CLCN5: variants seen among roughly 807,000 people sequenced by gnomAD.
CLCN5 encodes Cl-/H+ antiporter 5.
Under a neutral mutation model 54.0 loss-of-function variants are expected in CLCN5, and 17 were observed. That is an observed-to-expected ratio of 0.31 (90% CI 0.22 to 0.47). The LOEUF (loss-of-function observed/expected upper bound fraction) is 0.47. Ranked by LOEUF, CLCN5 falls within the 20% of genes least tolerant of loss-of-function variation. The pLI, the probability that CLCN5 is intolerant of heterozygous loss-of-function variation, is 1.00. For missense variants in CLCN5, 448 were observed against 646.7 expected (o/e 0.69, Z 3.33); for synonymous variants, 222 against 233.0 (o/e 0.95, Z 0.43).
At chrX:50,000,659 C>T (rs1232115926) in intron 3 of CLCN5, among the ~76,000 whole-genome samples, 1 of 111,735 alleles carries the variant, frequency 8.9e-6, no homozygotes, top group Non-Finnish European at 1.9e-5. Flanking sequence ...AGAATCCTGG[C>T]GTGATCTGTA....
In CLCN5 at chrX:50,090,350, G is replaced by A. The variant is rs782368260; in HGVS notation, c.1979G>A (p.Arg660Lys). The A allele has an allele frequency of 8.3e-7, 1 of 1,211,613 alleles. No homozygotes were observed. The highest frequency in any genetic ancestry group is 1.1e-6 in the Non-Finnish European group (1 of 895,423). The change falls in exon 13 of 15, where the codon AGA becomes AAA. Residue 660 changes from arginine (R) to lysine (K), a missense_variant. Arg to Lys is a conservative substitution (Grantham distance 26). This residue lies in a region of CLCN5 where 297 missense variants were observed against 470.4 expected (regional missense o/e 0.63). Transcript: ENST00000376091. Reference protein sequence around the residue: ...TLAMDVMKPRRNDPLLTVLTQ... With the variant: ...TLAMDVMKPRKNDPLLTVLTQ... The stretch of plus-strand genomic sequence containing the variant: ...GCAATGGATGTGATGAAACCCCGGA[G>A]AAATGATCCTTTGTTGACTGTCCTT...
At chrX:50,008,995 A>G (rs781797185) in intron 3 of CLCN5, 4 of 382,159 alleles carry the variant, frequency 1.0e-5, no homozygotes, top group East Asian at 1.5e-4. Context: ...TGTGAGTGCT[A>G]TTTCAGTGCA....
At chrX:50,002,518 T>C (rs1187946020) in intron 3 of CLCN5, among the ~76,000 whole-genome samples, 5 of 112,080 alleles carry the variant, frequency 4.5e-5, no homozygotes, top group Middle Eastern at 9.1e-3. Flanking sequence ...TCAAAATACA[T>C]GTCTAATCTG....
intron 4 of CLCN5, 30 bp downstream of exon 4, chrX:50,042,492 T>G (rs2147478033): frequency 1.0e-6 from 1 of 956,020 alleles, no homozygotes; most frequent in African/African-American, 2.0e-5. Context: ...TAATTTATCT[T>G]AATTTTTTAA....
At chrX:50,037,634 AG>A (rs1248258249) in intron 3 of CLCN5, among the ~76,000 whole-genome samples, 1 of 111,825 alleles carries the variant, frequency 8.9e-6, no homozygotes, top group African/African-American at 3.3e-5. Flanking sequence ...AGGAAAAGAT[AG>A]GAGACTGGTT....
At chrX:49,990,659 A>G (rs1431789032) in intron 3 of CLCN5, among the ~76,000 whole-genome samples, 1 of 111,823 alleles carries the variant, frequency 8.9e-6, no homozygotes, top group Non-Finnish European at 1.9e-5. Flanking sequence ...GCTGGTCTCA[A>G]ACTCCTTACC....
At chrX:50,051,556 T>A (rs1932587741) in intron 4 of CLCN5, among the ~76,000 whole-genome samples, 1 of 112,192 alleles carries the variant, frequency 8.9e-6, no homozygotes, top group South Asian at 3.7e-4. Context: ...GCAAAATGAC[T>A]TGCTTGGGTT....
At chrX:49,945,763 AT>A (rs1176175217) in intron 3 of CLCN5, among the ~76,000 whole-genome samples, 2 of 97,909 alleles carry the variant, frequency 2.0e-5, no homozygotes, top group Non-Finnish European at 2.1e-5. Flanking sequence ...CGCCCTTTCA[AT>A]TTTTTTTTTG....
At chrX:49,935,352 G>T (rs1601952450) in intron 3 of CLCN5, among the ~76,000 whole-genome samples, 1 of 111,683 alleles carries the variant, frequency 9.0e-6, no homozygotes, top group African/African-American at 3.3e-5. Context: ...TCTATTGTAT[G>T]GTCCTTGAGG....
intron 4 of CLCN5, among the ~76,000 whole-genome samples, chrX:50,057,701 C>T (rs1351846506): frequency 9.6e-6 from 1 of 103,775 alleles, no homozygotes; most frequent in Admixed American, 1.0e-4. Flanking sequence ...TGGATAGTTT[C>T]TTAGATGGGA....
intron 3 of CLCN5, among the ~76,000 whole-genome samples, chrX:49,957,284 A>C (rs1279411462): frequency 1.8e-5 from 2 of 111,442 alleles, no homozygotes; most frequent in African/African-American, 6.5e-5. Flanking sequence ...TGGGCGACAG[A>C]GTGAGACTCT....
intron 4 of CLCN5, among the ~76,000 whole-genome samples, chrX:50,055,421 C>G (rs1399815775): frequency 1.8e-5 from 2 of 111,671 alleles, no homozygotes; most frequent in African/African-American, 6.5e-5. Context: ...CTTCTCACTG[C>G]AGGATAATAG....
chrX:50,034,720 T>A (rs1931908336), intron 3 of CLCN5, among the ~76,000 whole-genome samples: 1 of 111,160 alleles, frequency 9.0e-6, no homozygotes, highest in East Asian at 2.8e-4. Flanking sequence ...AGGATGCCAG[T>A]AAGCCATACC....
intron 9 of CLCN5, chrX:50,085,714 G>T: frequency 2.6e-6 from 1 of 382,735 alleles, no homozygotes; most frequent in Non-Finnish European, 4.6e-6. Flanking sequence ...TGGGAGATAA[G>T]GGCGGGGGGG....
chrX:50,055,710 C>T (rs1463860949), intron 4 of CLCN5, among the ~76,000 whole-genome samples: 1 of 111,698 alleles, frequency 9.0e-6, no homozygotes, highest in Non-Finnish European at 1.9e-5. Context: ...GTGAAAGTCT[C>T]CCTTGTTCTT....
chrX:49,971,458 A>G (rs1424722278), intron 3 of CLCN5, among the ~76,000 whole-genome samples: 1 of 110,008 alleles, frequency 9.1e-6, no homozygotes, highest in Non-Finnish European at 1.9e-5. Context: ...GGTGGAAAGC[A>G]TTCAATTTTT....
chrX:49,941,877 C>CT (rs1347982594), intron 3 of CLCN5, among the ~76,000 whole-genome samples: 2 of 101,047 alleles, frequency 2.0e-5, no homozygotes, highest in Admixed American at 1.1e-4. Flanking sequence ...CAATCAATAT[C>CT]TTTTTTTTAC....
intron 3 of CLCN5, among the ~76,000 whole-genome samples, chrX:49,995,829 C>CTT (rs1313073397): frequency 9.0e-6 from 1 of 111,630 alleles, no homozygotes; most frequent in African/African-American, 3.3e-5. Context: ...TATGTACTGG[C>CTT]TTTAGAGCTG....
chrX:50,025,966 G>A (rs781899171), intron 3 of CLCN5, among the ~76,000 whole-genome samples: 2 of 111,554 alleles, frequency 1.8e-5, no homozygotes, highest in African/African-American at 6.5e-5. Flanking sequence ...CTAAGGTGGA[G>A]GCTTAGATTA....
Sources: allele counts gnomAD v4.1 joint callset (sites outside exome capture counted in the v4.1 genomes callset), GRCh38; gene constraint gnomAD v4.1.1; regional missense constraint gnomAD v4.1.1; transcripts MANE v1.5; gene names NCBI Gene and HGNC (gene_info 2026-07-23, HGNC 2026-07-21).